EPC2: variants seen among roughly 807,000 people sequenced by gnomAD.
EPC2 encodes the protein enhancer of polycomb homolog 2.
Under a neutral mutation model 92.1 loss-of-function variants are expected in EPC2, and 14 were observed. That is an observed-to-expected ratio of 0.15 (90% CI 0.10 to 0.24). The LOEUF is 0.24. EPC2 is among the 10% of genes least tolerant of loss of function. The pLI, the probability that EPC2 is intolerant of heterozygous loss-of-function variation, is 1.00. For synonymous variants in EPC2, 340 were observed against 334.7 expected, an observed-to-expected ratio of 1.02 and a Z score of -0.17; for missense variants, 755 against 971.5, an observed-to-expected ratio of 0.78 and a Z score of 2.96.
At chr2:148,699,288 A>C (rs1288796622) in intron 2 of EPC2, among the ~76,000 whole-genome samples, 1 of 152,214 alleles carries the variant, frequency 6.6e-6, no homozygotes, top group African/African-American at 2.4e-5. Flanking sequence ...TACATTTCTT[A>C]CAGCTAATGA....
At chr2:148,735,423 T>C (rs539378801) in intron 2 of EPC2, among the ~76,000 whole-genome samples, 1 of 152,140 alleles carries the variant, frequency 6.6e-6, no homozygotes, top group South Asian at 2.1e-4. Flanking sequence ...TTTATGTAGA[T>C]TACCTTTTCC....
chr2:148,717,904 A>G (rs1162255674), intron 2 of EPC2, among the ~76,000 whole-genome samples: 2 of 152,180 alleles, frequency 1.3e-5, no homozygotes, highest in Middle Eastern at 3.2e-3. Context: ...GTCTCTAAGA[A>G]CTTGCTTTAT....
intron 3 of EPC2, 89 bp downstream of exon 3, chr2:148,743,856 C>A: frequency 1.9e-6 from 2 of 1,049,032 alleles, no homozygotes; most frequent in Non-Finnish European, 2.6e-6. Context: ...TTTACTGTTT[C>A]TTGGATTTCT....
chr2:148,685,081 T>C (rs1348271232), intron 1 of EPC2, among the ~76,000 whole-genome samples: 3 of 152,174 alleles, frequency 2.0e-5, no homozygotes, highest in Admixed American at 6.5e-5. Context: ...CCTTTAGGGT[T>C]ACTTTTCCTG....
intron 3 of EPC2, 43 bp from the exon 4 acceptor site, chr2:148,753,884 T>G (rs765919563): frequency 2.0e-6 from 3 of 1,536,200 alleles, no homozygotes; most frequent in Admixed American, 4.1e-5. Context: ...TTATTTCTTT[T>G]TGCAAACATT....
intron 2 of EPC2, among the ~76,000 whole-genome samples, chr2:148,711,310 T>C (rs1427046086): frequency 6.6e-6 from 1 of 152,122 alleles, no homozygotes; most frequent in Non-Finnish European, 1.5e-5. Flanking sequence ...AAAATTTCTT[T>C]TGAGATTTCT....
intron 2 of EPC2, among the ~76,000 whole-genome samples, chr2:148,710,101 G>T (rs1057092168): frequency 3.3e-5 from 5 of 152,162 alleles, no homozygotes; most frequent in Non-Finnish European, 7.3e-5. Context: ...CTACTCATCT[G>T]ACAAAGGGGT....
chr2:148,698,062 G>C (rs930137494), intron 2 of EPC2, among the ~76,000 whole-genome samples: 3 of 151,932 alleles, frequency 2.0e-5, no homozygotes, highest in Non-Finnish European at 4.4e-5. Context: ...AAAGGTTACT[G>C]TACCTTTCAT....
chr2:148,688,426 G>T (rs1212854556), intron 1 of EPC2, among the ~76,000 whole-genome samples: 2 of 152,020 alleles, frequency 1.3e-5, no homozygotes, highest in African/African-American at 4.8e-5. Flanking sequence ...ATGGGGGGAG[G>T]GGGGACGGAT....
intron 10 of EPC2, among the ~76,000 whole-genome samples, chr2:148,778,338 G>A (rs1683685454): frequency 6.6e-6 from 1 of 152,100 alleles, no homozygotes; most frequent in Admixed American, 6.5e-5. Context: ...CCAAAGCTGG[G>A]TCTCTATCTT....
intron 2 of EPC2, among the ~76,000 whole-genome samples, chr2:148,710,184 C>G (rs1449440269): frequency 1.3e-5 from 2 of 152,130 alleles, no homozygotes. Flanking sequence ...AAAAAGTGGG[C>G]AAAGGATATG....
intron 7 of EPC2, 138 bp downstream of exon 7, chr2:148,765,284 T>C: frequency 2.0e-6 from 1 of 496,584 alleles, no homozygotes; most frequent in East Asian, 3.5e-5. Context: ...TCCACAGTAT[T>C]TATGTAGCCA....
At chr2:148,762,599 G>C in intron 5 of EPC2, 71 bp from the exon 6 acceptor site, 3 of 1,100,054 alleles carry the variant, frequency 2.7e-6, no homozygotes, top group Non-Finnish European at 3.8e-6. Context: ...AATTAATTGA[G>C]GTATCACTTA....
intron 3 of EPC2, among the ~76,000 whole-genome samples, chr2:148,744,921 G>T (rs1682950876): frequency 7.0e-6 from 1 of 142,624 alleles, no homozygotes; most frequent in Admixed American, 7.4e-5. Flanking sequence ...AATCTCTAAG[G>T]CATTACAAGC....
chr2:148,781,989 C>T (rs1683758869), intron 11 of EPC2, among the ~76,000 whole-genome samples: 1 of 151,964 alleles, frequency 6.6e-6, no homozygotes, highest in Non-Finnish European at 1.5e-5. Context: ...GTGCTGGAGC[C>T]AAATATGGTA....
chr2:148,673,927 A>T (rs757679285), intron 1 of EPC2, among the ~76,000 whole-genome samples: 3 of 152,180 alleles, frequency 2.0e-5, no homozygotes, highest in Non-Finnish European at 2.9e-5. Flanking sequence ...CTCTTATAGT[A>T]CATTGATCCT....
chr2:148,744,953 G>C (rs972068469), intron 3 of EPC2, among the ~76,000 whole-genome samples: 1 of 137,418 alleles, frequency 7.3e-6, no homozygotes, highest in Non-Finnish European at 1.6e-5. Context: ...TTTTCCTTTG[G>C]CAAGTGACTT....
intron 1 of EPC2, among the ~76,000 whole-genome samples, chr2:148,681,802 T>C (rs1300485594): frequency 6.6e-6 from 1 of 152,278 alleles, no homozygotes; most frequent in East Asian, 1.9e-4. Flanking sequence ...ACATGTGCCA[T>C]GTTGGTTTGC....
chr2:148,662,361 T>G (rs1025676749), intron 1 of EPC2, among the ~76,000 whole-genome samples: 1 of 152,158 alleles, frequency 6.6e-6, no homozygotes, highest in African/African-American at 2.4e-5. Flanking sequence ...TAAAGACACA[T>G]GGAGATGTAT....
Sources: gnomAD v4.1 joint callset for allele counts (sites outside exome capture counted in the v4.1 genomes callset) on GRCh38, gnomAD v4.1.1 for gene constraint, MANE v1.5 for transcripts, NCBI Gene and HGNC (gene_info 2026-07-23, HGNC 2026-07-21) for gene names.